CD163: variants seen among roughly 807,000 people sequenced by gnomAD.
CD163 encodes the protein scavenger receptor cysteine-rich type 1 protein M130.
In CD163, 64 loss-of-function variants were observed where a neutral mutation model predicts 129.2. The observed-to-expected ratio is 0.50, with a 90% CI of 0.41 to 0.61. The LOEUF (loss-of-function observed/expected upper bound fraction) is 0.61, where lower values mean the gene tolerates loss of function less well. Among genes scored for constraint, CD163 ranks in the 20% least tolerant of loss-of-function variants. CD163 has a pLI of 0.00. For synonymous variants in CD163, 446 were observed against 478.5 expected (o/e 0.93, Z 0.89); for missense variants, 1,061 against 1,377.9 (o/e 0.77, Z 3.64).
chr12:7,483,795 A>C lies in CD163; in HGVS notation c.2780-120T>G, dbSNP rs138742552. ...AAAAAACTATTTAAAATTTTACTGA[A>C]TGTGCATATTAAAATTTATATATAT... On this transcript the variant is annotated intron_variant, in intron 11 of 16. Coordinates refer to ENST00000432237, the MANE Select transcript of CD163 (RefSeq NM_203416.4). 2.2e-3 allele frequency: 566 copies of C among 258,574 alleles called. 4 individuals carry two copies. Among genetic ancestry groups the C allele is most frequent in the African/African-American group, 0.012 (510 of 42,272 alleles). The allele number at this position is 258,574 out of a possible 1,614,324, so 16.0% of individuals were successfully genotyped here.
In CD163 at chr12:7,501,377, TC is replaced by T; in HGVS notation, c.218del (p.Gly73GlufsTer15). ...RVEVKVQEEW[G>X]TVCNNGWSME... ...TGCTCCAGCCATTATTACACACCGT[TC>T]CCCACTCCTCCTGGACTTTCACTTC... On this transcript the variant is annotated frameshift_variant, in exon 3 of 17. Transcript: ENST00000432237. LOFTEE classifies it high-confidence loss of function. 1.9e-6 allele frequency: 3 copies of T among 1,614,034 alleles called. No homozygotes were observed. The highest frequency in any genetic ancestry group is 2.5e-6 in the Non-Finnish European group (3 of 1,179,986).
chr12:7,479,821 G>T (rs1259341967), intron 16 of CD163, 39 bp downstream of exon 16: 1 of 1,595,458 alleles, frequency 6.3e-7, no homozygotes. Context: ...AAGGAATGCA[G>T]CTGTTTTGAA....
intron 6 of CD163, among the ~76,000 whole-genome samples, chr12:7,490,153 T>C (rs1359966843): frequency 6.6e-6 from 1 of 151,602 alleles, no homozygotes; most frequent in African/African-American, 2.4e-5. Context: ...AATAAAGGAG[T>C]CATTCACTCT....
intron 16 of CD163, among the ~76,000 whole-genome samples, chr12:7,478,750 G>A (rs185556545): frequency 1.3e-3 from 204 of 151,268 alleles, no homozygotes; most frequent in African/African-American, 4.8e-3. Context: ...ATTCTGTAGT[G>A]TCTTGTACAG....
intron 10 of CD163, 43 bp downstream of exon 10, chr12:7,486,456 T>C (rs1356377578): frequency 1.3e-6 from 2 of 1,555,668 alleles, no homozygotes; most frequent in East Asian, 2.2e-5. Context: ...TCCTCAGTCC[T>C]TTCTCTATGT....
At chr12:7,495,756 A>G (rs1949391270) in intron 5 of CD163, among the ~76,000 whole-genome samples, 1 of 152,200 alleles carries the variant, frequency 6.6e-6, no homozygotes, top group Non-Finnish European at 1.5e-5. Context: ...AGAGAAATGC[A>G]AATCAAAATC....
intron 16 of CD163, among the ~76,000 whole-genome samples, chr12:7,478,952 C>CT (rs1949124704): frequency 6.6e-6 from 1 of 151,964 alleles, no homozygotes; most frequent in African/African-American, 2.4e-5. Context: ...TGATGTATAG[C>CT]TTAACTATAC....
chr12:7,494,200 A>G (rs1949367385), intron 6 of CD163, among the ~76,000 whole-genome samples: 1 of 152,242 alleles, frequency 6.6e-6, no homozygotes, highest in South Asian at 2.1e-4. Context: ...GGAAGAGTTT[A>G]CACTTTTTTA....
chr12:7,498,388 A>T (rs1949432215), intron 4 of CD163, among the ~76,000 whole-genome samples: 1 of 152,140 alleles, frequency 6.6e-6, no homozygotes, highest in Non-Finnish European at 1.5e-5. Flanking sequence ...TAAAGTTTTA[A>T]TGAGAAACCA....
chr12:7,498,831 C>T, intron 4 of CD163, 37 bp downstream of exon 4: 1 of 1,581,040 alleles, frequency 6.3e-7, no homozygotes, highest in Non-Finnish European at 8.6e-7. Flanking sequence ...CTTTTGTCCT[C>T]TCCTGGAGAA....
At position 7,501,319 on chromosome 12, in the gene CD163, C is replaced by T; in HGVS notation, c.277G>A (p.Gly93Arg). The change falls in exon 3 of 17, where the codon GGA (glycine) becomes AGA (arginine). Residue 93 changes from glycine to arginine, a missense_variant. Physicochemically the swap from Gly to Arg is moderately radical, Grantham distance 125. Transcript: ENST00000432237. ...EAVSVICNQLGCPTAIKAPGW... is the reference protein window; with the variant it reads ...EAVSVICNQLRCPTAIKAPGW... ...GGGGCTTTGATAGCAGTTGGACATC[C>T]CAGCTGGTTACAAATCACAGAGACC... 2 of 1,614,130 alleles carry T rather than the reference C, an allele frequency of 1.2e-6. No homozygotes were observed. Among genetic ancestry groups the T allele is most frequent in the Non-Finnish European group, 1.7e-6 (2 of 1,180,006 alleles).
chr12:7,498,733 C>T, intron 4 of CD163, 135 bp downstream of exon 4: 8 of 843,764 alleles, frequency 9.5e-6, no homozygotes, highest in Non-Finnish European at 1.5e-5. Flanking sequence ...AGAACTGGAA[C>T]CTGAAGTTAG....
At chr12:7,497,342 T>C (rs892062428) in intron 4 of CD163, among the ~76,000 whole-genome samples, 2 of 152,180 alleles carry the variant, frequency 1.3e-5, no homozygotes, top group Admixed American at 6.5e-5. Context: ...ATAGACAGCA[T>C]ATACTACAGG....
At chr12:7,475,433 C>T (rs978551152) in intron 16 of CD163, among the ~76,000 whole-genome samples, 5 of 152,148 alleles carry the variant, frequency 3.3e-5, no homozygotes, top group African/African-American at 7.2e-5. Context: ...GCTGGTTCAA[C>T]ATATGTAAAT....
At chr12:7,476,395 A>G (rs1052849368) in intron 16 of CD163, among the ~76,000 whole-genome samples, 4 of 152,156 alleles carry the variant, frequency 2.6e-5, no homozygotes, top group African/African-American at 9.7e-5. Flanking sequence ...AGATATATAG[A>G]CCAATGGCAC....
Position 7,485,155 on chromosome 12 carries a change from G to T in CD163, c.2720C>A (p.Ser907Ter). 6.2e-7 allele frequency: 1 copy of T among 1,614,044 alleles called. No individual in the cohort carries two copies. Among genetic ancestry groups the T allele is most frequent in the Non-Finnish European group, 8.5e-7 (1 of 1,179,940 alleles). Residue 907 changes from serine (S) to a stop codon, truncating the protein, a stop_gained, in exon 11 of 17, where the codon TCA becomes TAA. Transcript: ENST00000432237. LOFTEE classifies it high-confidence loss of function. The surrounding 1 kb of genome is among the most constrained non-coding windows in gnomAD (Gnocchi z 4.5). Reference protein sequence around the residue: ...KGPDTLWQCPSSPWEKRLASP... With the variant: ...KGPDTLWQCP ...GGCCAGTCTCTTCTCCCATGGAGAT[G>T]ATGGGCACTGCCACAGCGTGTCAGG...
intron 6 of CD163, 80 bp from the exon 7 acceptor site, chr12:7,488,167 T>A: frequency 7.0e-7 from 1 of 1,424,718 alleles, no homozygotes; most frequent in Non-Finnish European, 9.4e-7. Context: ...GAAGGTGGTG[T>A]GGAGTGGGAA....
intron 11 of CD163, 166 bp from the exon 12 acceptor site, chr12:7,483,841 A>ATATATATATATATATAT (rs1442991429): frequency 1.8e-5 from 2 of 109,988 alleles, no homozygotes; most frequent in African/African-American, 3.8e-5. Flanking sequence ...ATATATATAT[A>ATATATATATATATATAT]TTTTTTTTTT....
intron 6 of CD163, among the ~76,000 whole-genome samples, chr12:7,493,385 G>A (rs190003933): frequency 2.0e-5 from 3 of 152,240 alleles, no homozygotes; most frequent in East Asian, 3.9e-4. Context: ...ACTGAGCTGC[G>A]GGGTGGCTTA....
Sources: gnomAD v4.1 joint callset for allele counts (sites outside exome capture counted in the v4.1 genomes callset) on GRCh38, gnomAD v4.1.1 for gene constraint, Gnocchi (gnomAD v3.1) non-coding constraint, MANE v1.5 for transcripts, NCBI Gene and HGNC (gene_info 2026-07-23, HGNC 2026-07-21) for gene names.